ZNF407: variants seen among roughly 807,000 people sequenced by gnomAD.
The protein encoded by ZNF407 is zinc finger protein 407.
Under a neutral mutation model 131.2 loss-of-function variants are expected in ZNF407, and 17 were observed. That is an observed-to-expected ratio of 0.13 (90% CI 0.09 to 0.19). ZNF407 has a LOEUF of 0.19. Ranked by LOEUF, ZNF407 falls within the 10% of genes least tolerant of loss-of-function variation. ZNF407 has a pLI of 1.00. For synonymous variants in ZNF407, 1,156 were observed against 1,062.0 expected, an observed-to-expected ratio of 1.09 and a Z score of -1.72; for missense variants, 2,681 against 2,830.6, an observed-to-expected ratio of 0.95 and a Z score of 1.20.
intron 3 of ZNF407, among the ~76,000 whole-genome samples, chr18:74,750,084 C>T (rs1157709765): frequency 1.3e-5 from 2 of 152,166 alleles, no homozygotes; most frequent in Non-Finnish European, 2.9e-5. Context: ...ATGTAAGCTT[C>T]TCAGACTGGT....
In ZNF407 at chr18:74,728,815, C is replaced by T. The variant is rs139275766; in HGVS notation, c.4803-52613C>T. 6.0e-3 allele frequency among the ~76,000 whole-genome samples: 911 copies of T among 152,210 alleles called. 36 individuals are homozygous for T. In the East Asian group the frequency reaches 0.076, roughly 13 times the overall value. On this transcript the variant is annotated intron_variant, in intron 3 of 8. Coordinates refer to ENST00000299687, the MANE Select transcript of ZNF407 (RefSeq NM_017757.3). ...CTGGGGAGGCTCATCACAAGGAGGG[C>T]ACAGAGGTGAAAACAGGAAAGGCTT...
intron 7 of ZNF407, chr18:74,898,099 A>G (rs2145204881): frequency 6.6e-6 from 1 of 152,356 alleles, no homozygotes; most frequent in Admixed American, 6.5e-5. Flanking sequence ...AACTTTGAAC[A>G]TTTGGAAAAT....
chr18:74,831,483 G>A (rs567388917), intron 4 of ZNF407, among the ~76,000 whole-genome samples: 90 of 152,024 alleles, frequency 5.9e-4, no homozygotes, highest in Non-Finnish European at 1.1e-3. Flanking sequence ...TTTGACAATT[G>A]TAGGAACCTT....
At chr18:74,861,528 A>G (rs1029520685) in intron 4 of ZNF407, among the ~76,000 whole-genome samples, 2 of 152,214 alleles carry the variant, frequency 1.3e-5, no homozygotes, top group South Asian at 4.1e-4. Flanking sequence ...GCTTTCAACT[A>G]AAAGAATAGA....
At chr18:74,975,210 G>T (rs551509044) in intron 8 of ZNF407, among the ~76,000 whole-genome samples, 1 of 152,186 alleles carries the variant, frequency 6.6e-6, no homozygotes, top group African/African-American at 2.4e-5. Flanking sequence ...GAGTTATGGC[G>T]ATATATTACC....
At chr18:75,023,044 C>T (rs567273905) in intron 8 of ZNF407, among the ~76,000 whole-genome samples, 1 of 152,086 alleles carries the variant, frequency 6.6e-6, no homozygotes, top group Non-Finnish European at 1.5e-5. Flanking sequence ...TTGGATGGAG[C>T]TGGAAGCCAT....
At chr18:74,764,269 A>G (rs899429179) in intron 3 of ZNF407, among the ~76,000 whole-genome samples, 2 of 152,122 alleles carry the variant, frequency 1.3e-5, no homozygotes, top group African/African-American at 4.8e-5. Context: ...TTTCATTTTT[A>G]AAAACCTATG....
chr18:74,781,404 T>A, intron 3 of ZNF407, 24 bp from the exon 4 acceptor site: 2 of 1,485,156 alleles, frequency 1.3e-6, no homozygotes, highest in Non-Finnish European at 1.8e-6. Flanking sequence ...TTTAGTTTTA[T>A]AATTACTTTT....
At chr18:74,972,708 A>G (rs1346385342) in intron 8 of ZNF407, among the ~76,000 whole-genome samples, 1 of 152,144 alleles carries the variant, frequency 6.6e-6, no homozygotes, top group East Asian at 1.9e-4. Flanking sequence ...TTCTGTCCCT[A>G]TTGATTATAT....
Position 75,019,395 on chromosome 18 carries a change from C to T in ZNF407, c.5429-43755C>T, listed in dbSNP as rs186522226. 1.9e-3 allele frequency among the ~76,000 whole-genome samples: 283 copies of T among 152,280 alleles called. 5 individuals carry two copies. Among genetic ancestry groups the T allele is most frequent in the African/African-American group, 6.4e-3 (267 of 41,564 alleles). ...TGAAAGTGTGCGCAGTGGTCCTCCTCCCCATATCCATGGTTGTGATTTCTG... is the reference window on the plus strand; with the variant it reads ...TGAAAGTGTGCGCAGTGGTCCTCCTTCCCATATCCATGGTTGTGATTTCTG... On this transcript the variant is annotated intron_variant, in intron 8 of 8. Coordinates refer to ENST00000299687, the MANE Select transcript of ZNF407 (RefSeq NM_017757.3).
At chr18:74,940,439 G>C (rs1012407425) in intron 8 of ZNF407, among the ~76,000 whole-genome samples, 1 of 152,144 alleles carries the variant, frequency 6.6e-6, no homozygotes, top group Admixed American at 6.5e-5. Context: ...ATTATCTGGG[G>C]AGGAAGCTGG....
intron 8 of ZNF407, among the ~76,000 whole-genome samples, chr18:75,031,019 G>T (rs945479225): frequency 6.6e-6 from 1 of 152,180 alleles, no homozygotes; most frequent in African/African-American, 2.4e-5. Context: ...ATGGGTGTTT[G>T]CAGACCTGAA....
At chr18:74,738,086 T>G (rs1968458897) in intron 3 of ZNF407, among the ~76,000 whole-genome samples, 1 of 152,046 alleles carries the variant, frequency 6.6e-6, no homozygotes, top group Non-Finnish European at 1.5e-5. Flanking sequence ...GGTAATCATG[T>G]CATATGTGCA....
At chr18:74,848,744 T>C (rs1035970615) in intron 4 of ZNF407, among the ~76,000 whole-genome samples, 5 of 152,194 alleles carry the variant, frequency 3.3e-5, no homozygotes, top group African/African-American at 1.2e-4. Context: ...GTTGACATAC[T>C]TTCATGTACC....
In ZNF407 at chr18:74,632,662, A is replaced by G. The variant is rs1273276915; in HGVS notation, c.1643A>G (p.Lys548Arg). Residue 548 changes from lysine (K) to arginine (R), a missense_variant, in exon 2 of 9, where the codon AAA (lysine) becomes AGA (arginine). Coordinates refer to ENST00000299687, the MANE Select transcript of ZNF407 (RefSeq NM_017757.3). ...AGGACAGATTTGGAAATCCATGTGA[A>G]AAGGTGCCATGCCAGAGAGATGAAA... Reference protein sequence around the residue: ...TNRTDLEIHVKRCHAREMKFY... With the variant: ...TNRTDLEIHVRRCHAREMKFY... 6.2e-7 allele frequency: 1 copy of G among 1,614,046 alleles called. No individual in the cohort carries two copies. Among genetic ancestry groups the G allele is most frequent in the Non-Finnish European group, 8.5e-7 (1 of 1,179,890 alleles).
rs77926048 is a variant in ZNF407, at chr18:74,981,426, G to A, written c.5428+60734G>A. Among the ~76,000 whole-genome samples, 425 of 152,352 alleles carry A rather than the reference G, an allele frequency of 2.8e-3. 2 individuals carry two copies. The highest frequency in any genetic ancestry group is 9.4e-3 in the African/African-American group (390 of 41,582). ...TGCTCGAGACCCGAGGGCCACCAAGGAAAGTGTAATGGAGCATTTGGACTT... is the reference window on the plus strand; with the variant it reads ...TGCTCGAGACCCGAGGGCCACCAAGAAAAGTGTAATGGAGCATTTGGACTT... On this transcript the variant is annotated intron_variant, in intron 8 of 8. Coordinates refer to ENST00000299687, the MANE Select transcript of ZNF407 (RefSeq NM_017757.3).
chr18:74,716,383 T>TAGA (rs751911259), intron 3 of ZNF407, among the ~76,000 whole-genome samples: 56 of 152,212 alleles, frequency 3.7e-4, no homozygotes, highest in Non-Finnish European at 7.1e-4. Flanking sequence ...ACAGCAGACA[T>TAGA]TTTGTGTGTG....
chr18:75,037,450 G>C (rs1053894475), intron 8 of ZNF407, among the ~76,000 whole-genome samples: 3 of 151,600 alleles, frequency 2.0e-5, no homozygotes. Flanking sequence ...TAACCGCAAA[G>C]GTGATTTCCA....
At chr18:74,599,955 C>T (rs1982508693) in intron 1 of ZNF407, among the ~76,000 whole-genome samples, 1 of 152,204 alleles carries the variant, frequency 6.6e-6, no homozygotes, top group South Asian at 2.1e-4. Flanking sequence ...GAGCGTTTTC[C>T]TTGCTTTCCA....
Sources: allele counts gnomAD v4.1 joint callset (sites outside exome capture counted in the v4.1 genomes callset), GRCh38; gene constraint gnomAD v4.1.1; transcripts MANE v1.5; gene names NCBI Gene and HGNC (gene_info 2026-07-23, HGNC 2026-07-21).